Variants in NKAIN3 observed in about 807,000 individuals in gnomAD.
NKAIN3 encodes sodium/potassium-transporting ATPase subunit beta-1-interacting protein 3.
A neutral mutation model predicts 30.2 loss-of-function variants in NKAIN3; 25 were observed. The ratio of observed to expected loss-of-function variants is 0.83; its 90% CI spans 0.60 to 1.16. The LOEUF is 1.16. Among genes scored for constraint, NKAIN3 ranks in the 50% most tolerant of loss-of-function variants. The pLI is 0.00. For missense variants in NKAIN3, 225 were observed against 254.1 expected (o/e 0.89, Z 0.78); for synonymous variants, 91 against 89.6 (o/e 1.02, Z -0.09).
chr8:62,531,767 C>T (rs1186919652), intron 1 of NKAIN3, among the ~76,000 whole-genome samples: 33 of 152,184 alleles, frequency 2.2e-4, no homozygotes, highest in Non-Finnish European at 1.5e-5. Flanking sequence ...TGGGCACTCA[C>T]TCAGGGAAAG....
At chr8:62,723,812 A>C (rs552976098) in intron 3 of NKAIN3, among the ~76,000 whole-genome samples, 35 of 152,276 alleles carry the variant, frequency 2.3e-4, no homozygotes, top group African/African-American at 7.2e-4. Context: ...CTTTAAAAGT[A>C]GACAAAGCAG....
intron 1 of NKAIN3, among the ~76,000 whole-genome samples, chr8:62,434,111 G>A (rs1324043762): frequency 6.6e-6 from 1 of 152,130 alleles, no homozygotes; most frequent in Non-Finnish European, 1.5e-5. Flanking sequence ...GGGAAGGAAG[G>A]CACATAAAAC....
At chr8:62,335,500 A>G (rs1223867332) in intron 1 of NKAIN3, among the ~76,000 whole-genome samples, 4 of 151,842 alleles carry the variant, frequency 2.6e-5, no homozygotes, top group Non-Finnish European at 5.9e-5. Context: ...CCCTGCCTTG[A>G]ATTTAAGAAG....
chr8:62,728,760 G>A (rs1815345871), intron 3 of NKAIN3, among the ~76,000 whole-genome samples: 2 of 151,944 alleles, frequency 1.3e-5, no homozygotes, highest in Non-Finnish European at 2.9e-5. Flanking sequence ...GGAGGCTGAG[G>A]CGGTCGGATC....
chr8:62,413,811 G>T lies in NKAIN3; in HGVS notation c.54+164684G>T, dbSNP rs187774802. Among the ~76,000 whole-genome samples the T allele has an allele frequency of 2.2e-4, 33 of 152,178 alleles. No individual in the cohort carries two copies. The East Asian group carries it at 3.9e-3, about 18-fold the overall frequency. On this transcript the variant is annotated intron_variant, in intron 1 of 6. Coordinates refer to ENST00000623646, the MANE Select transcript of NKAIN3 (RefSeq NM_001304533.3). The stretch of plus-strand genomic sequence containing the variant: ...TTAAACCAACACCAAAATAGGAGAT[G>T]ATATAACTTATGATTTATTGAGTTA...
At chr8:62,681,755 A>G (rs1813651178) in intron 3 of NKAIN3, among the ~76,000 whole-genome samples, 1 of 152,246 alleles carries the variant, frequency 6.6e-6, no homozygotes, top group African/African-American at 2.4e-5. Flanking sequence ...CCCAGATAAC[A>G]TACTTGAATA....
chr8:62,918,384 T>G, intron 4 of NKAIN3, 69 bp from the exon 5 acceptor site: 1 of 1,076,832 alleles, frequency 9.3e-7, no homozygotes, highest in Non-Finnish European at 1.4e-6. Context: ...CTTTATTAGA[T>G]TATATTGGCT....
At chr8:62,304,388 G>T (rs1814154717) in intron 1 of NKAIN3, among the ~76,000 whole-genome samples, 1 of 150,296 alleles carries the variant, frequency 6.7e-6, no homozygotes, top group African/African-American at 2.5e-5. Context: ...AGTTGCTTAG[G>T]ACAAAGTAGT....
intron 1 of NKAIN3, among the ~76,000 whole-genome samples, chr8:62,428,072 C>A (rs1033804431): frequency 1.3e-5 from 2 of 151,792 alleles, no homozygotes; most frequent in Non-Finnish European, 2.9e-5. Flanking sequence ...TTAGCTTCTA[C>A]GTGTGCATGA....
chr8:62,892,119 A>G (rs1381295024), intron 4 of NKAIN3, among the ~76,000 whole-genome samples: 4 of 152,226 alleles, frequency 2.6e-5, no homozygotes, highest in African/African-American at 7.2e-5. Context: ...GATTAGATAT[A>G]CTTAATAGTT....
In NKAIN3 at chr8:62,266,695, C is replaced by T. The variant is rs79414681; in HGVS notation, c.54+17568C>T. Among the ~76,000 whole-genome samples, 784 of 152,190 alleles carry T rather than the reference C, an allele frequency of 5.2e-3. 6 individuals are homozygous for T. Among genetic ancestry groups the T allele is most frequent in the African/African-American group, 0.018 (742 of 41,538 alleles). On this transcript the variant is annotated intron_variant, in intron 1 of 6. Transcript: ENST00000623646. The stretch of plus-strand genomic sequence containing the variant: ...AGCTAAAACAGGGAAGAGGGAGAAG[C>T]GCCTCTTCCTAAGACAAGCTCACCA...
intron 1 of NKAIN3, among the ~76,000 whole-genome samples, chr8:62,293,106 C>G (rs1249392429): frequency 2.0e-5 from 3 of 152,082 alleles, no homozygotes; most frequent in Non-Finnish European, 4.4e-5. Context: ...CTTCTCTACA[C>G]TGTTTATTCT....
chr8:62,591,283 G>T (rs1585985178), intron 3 of NKAIN3, among the ~76,000 whole-genome samples: 1 of 151,904 alleles, frequency 6.6e-6, no homozygotes, highest in East Asian at 1.9e-4. Context: ...TGAATCATAA[G>T]TCTTGAGTCC....
chr8:62,751,708 T>C (rs995838665), intron 4 of NKAIN3, among the ~76,000 whole-genome samples: 1 of 152,194 alleles, frequency 6.6e-6, no homozygotes, highest in Non-Finnish European at 1.5e-5. Flanking sequence ...ATAACACATC[T>C]ATGTGTGCAT....
intron 1 of NKAIN3, among the ~76,000 whole-genome samples, chr8:62,315,324 C>T (rs1264784129): frequency 2.0e-5 from 3 of 152,122 alleles, no homozygotes; most frequent in Non-Finnish European, 4.4e-5. Context: ...TATTTTAGCC[C>T]ATGCCATGGC....
At chr8:62,291,746 A>G (rs1053705350) in intron 1 of NKAIN3, among the ~76,000 whole-genome samples, 1 of 152,164 alleles carries the variant, frequency 6.6e-6, no homozygotes, top group Non-Finnish European at 1.5e-5. Context: ...GTAGATGTCT[A>G]TTAGGTCTGC....
chr8:62,884,594 A>G (rs949897860), intron 4 of NKAIN3, among the ~76,000 whole-genome samples: 1 of 152,216 alleles, frequency 6.6e-6, no homozygotes. Flanking sequence ...AATGTTTGGT[A>G]GGATTCACCA....
intron 1 of NKAIN3, among the ~76,000 whole-genome samples, chr8:62,376,593 T>C (rs1817091394): frequency 6.6e-6 from 1 of 152,220 alleles, no homozygotes; most frequent in Non-Finnish European, 1.5e-5. Context: ...TCTACCTTGC[T>C]CTCTGTAACA....
chr8:62,599,777 A>T (rs936121634), intron 3 of NKAIN3, among the ~76,000 whole-genome samples: 1 of 151,998 alleles, frequency 6.6e-6, no homozygotes, highest in Non-Finnish European at 1.5e-5. Context: ...TAGCTTTTTG[A>T]CATACATCTG....
Sources: allele counts gnomAD v4.1 joint callset (sites outside exome capture counted in the v4.1 genomes callset), GRCh38; gene constraint gnomAD v4.1.1; transcripts MANE v1.5; gene names NCBI Gene and HGNC (gene_info 2026-07-23, HGNC 2026-07-21).